Variants in HEMK2 observed in about 807,000 individuals in gnomAD.
The protein encoded by HEMK2 is methyltransferase HEMK2.
the HEMK2 span, among the ~76,000 whole-genome samples, chr21:28,865,626 C>T: frequency 6.6e-6 from 1 of 152,202 alleles, no homozygotes; most frequent in African/African-American, 2.4e-5. Context: ...CCACCTGAAC[C>T]CTGGACCTAG....
At chr21:28,647,120 C>A in the HEMK2 span, among the ~76,000 whole-genome samples, 1 of 151,810 alleles carries the variant, frequency 6.6e-6, no homozygotes, top group Non-Finnish European at 1.5e-5. Flanking sequence ...ACCAAGGGAA[C>A]TTGGAAGAAA....
chr21:28,594,874 A>T, the HEMK2 span, among the ~76,000 whole-genome samples: 1 of 152,244 alleles, frequency 6.6e-6, no homozygotes, highest in Non-Finnish European at 1.5e-5. Flanking sequence ...CATCGTTCAC[A>T]ATAGTTGAAA....
the HEMK2 span, among the ~76,000 whole-genome samples, chr21:28,719,109 T>C: frequency 6.6e-6 from 1 of 152,194 alleles, no homozygotes; most frequent in South Asian, 2.1e-4. Flanking sequence ...TTTCTATGCC[T>C]TCTTTTATGG....
the HEMK2 span, among the ~76,000 whole-genome samples, chr21:28,660,248 T>C: frequency 6.6e-6 from 1 of 151,776 alleles, no homozygotes; most frequent in Admixed American, 6.6e-5. Flanking sequence ...TGTGAATAAT[T>C]ATAATTTTGT....
At chr21:28,608,468 T>G in the HEMK2 span, among the ~76,000 whole-genome samples, 1 of 151,046 alleles carries the variant, frequency 6.6e-6, no homozygotes, top group Non-Finnish European at 1.5e-5. Context: ...CCCACTCAGA[T>G]GGACAGAGCA....
chr21:28,588,939 C>T, the HEMK2 span, among the ~76,000 whole-genome samples: 10 of 149,046 alleles, frequency 6.7e-5, no homozygotes, highest in South Asian at 2.1e-4. Context: ...GCAGATATCA[C>T]GCCACTGCAC....
chr21:28,780,102 C>A, the HEMK2 span, among the ~76,000 whole-genome samples: 3 of 152,266 alleles, frequency 2.0e-5, no homozygotes, highest in South Asian at 6.2e-4. Context: ...TAACTCAGGT[C>A]CATGAGCTAT....
At chr21:28,655,920 T>C in the HEMK2 span, among the ~76,000 whole-genome samples, 1 of 152,056 alleles carries the variant, frequency 6.6e-6, no homozygotes. Context: ...TAACTTGAGA[T>C]TGCTTCTACT....
chr21:28,773,233 C>T, the HEMK2 span, among the ~76,000 whole-genome samples: 43 of 152,246 alleles, frequency 2.8e-4, no homozygotes, highest in Non-Finnish European at 5.4e-4. Flanking sequence ...GTGAATAATG[C>T]ACTGAATATT....
chr21:28,710,328 A>C, the HEMK2 span, among the ~76,000 whole-genome samples: 1 of 152,250 alleles, frequency 6.6e-6, no homozygotes, highest in Non-Finnish European at 1.5e-5. Context: ...TATGATTTGG[A>C]AATAGAAAAA....
At chr21:28,716,741 G>T in the HEMK2 span, among the ~76,000 whole-genome samples, 1 of 152,106 alleles carries the variant, frequency 6.6e-6, no homozygotes, top group African/African-American at 2.4e-5. Context: ...ACTGGCTGTG[G>T]GTTTGTCATA....
chr21:28,646,410 C>T, the HEMK2 span, among the ~76,000 whole-genome samples: 2 of 152,192 alleles, frequency 1.3e-5, no homozygotes, highest in Non-Finnish European at 2.9e-5. Context: ...TCTTTCTTAA[C>T]ATTTCCCTGA....
chr21:28,582,891 T>C, the HEMK2 span, among the ~76,000 whole-genome samples: 1 of 152,198 alleles, frequency 6.6e-6, no homozygotes, highest in Non-Finnish European at 1.5e-5. Context: ...GGTTGTTATC[T>C]GAAAACCTTT....
the HEMK2 span, among the ~76,000 whole-genome samples, chr21:28,675,748 T>G: frequency 6.6e-6 from 1 of 152,228 alleles, no homozygotes; most frequent in East Asian, 1.9e-4. Flanking sequence ...TGAGAACTCA[T>G]CTTACTAATA....
At chr21:28,630,751 G>A in the HEMK2 span, among the ~76,000 whole-genome samples, 6 of 139,676 alleles carry the variant, frequency 4.3e-5, no homozygotes, top group Non-Finnish European at 7.6e-5. Flanking sequence ...GACACAGGAA[G>A]GGGAACATCA....
chr21:28,797,148 T>C, the HEMK2 span, among the ~76,000 whole-genome samples: 1 of 152,132 alleles, frequency 6.6e-6, no homozygotes, highest in Non-Finnish European at 1.5e-5. Context: ...TTGGCAGAAG[T>C]CATCTACAAC....
chr21:28,737,497 A>C, the HEMK2 span, among the ~76,000 whole-genome samples: 152,219 of 152,220 alleles, frequency 1, 76,109 homozygotes, highest in Non-Finnish European at 1. Context: ...GAAAACGAGA[A>C]TTCAAAAATC....
chr21:28,814,679 A>C, the HEMK2 span, among the ~76,000 whole-genome samples: 1 of 152,218 alleles, frequency 6.6e-6, no homozygotes, highest in Non-Finnish European at 1.5e-5. Flanking sequence ...AACCACAACG[A>C]GATACCATCT....
At chr21:28,629,509 G>A in the HEMK2 span, among the ~76,000 whole-genome samples, 8 of 152,220 alleles carry the variant, frequency 5.3e-5, no homozygotes, top group Non-Finnish European at 1.2e-4. Flanking sequence ...AAATGCTCAT[G>A]TAGACATTGG....
Sources: gnomAD v4.1 joint callset for allele counts (sites outside exome capture counted in the v4.1 genomes callset) on GRCh38, gnomAD v4.1.1 for gene constraint, MANE v1.5 for transcripts, NCBI Gene and HGNC (gene_info 2026-07-23, HGNC 2026-07-21) for gene names.